USP24: variants seen among roughly 807,000 people sequenced by gnomAD.
USP24 encodes the protein ubiquitin specific peptidase 24, also known as ubiquitin carboxyl-terminal hydrolase 24.
USP24 carries 97 observed loss-of-function variants against 361.6 expected under a neutral mutation model. That is an observed-to-expected ratio of 0.27 (90% CI 0.23 to 0.32). The LOEUF is 0.32. Ranked by LOEUF, USP24 falls within the 10% of genes least tolerant of loss-of-function variation. USP24 has a pLI of 1.00. For synonymous variants in USP24, 1,098 were observed against 1,124.6 expected (o/e 0.98, Z 0.47); for missense variants, 2,353 against 3,165.6 (o/e 0.74, Z 6.16).
chr1:55,205,802 G>A (rs1644688543), intron 1 of USP24, among the ~76,000 whole-genome samples: 1 of 152,128 alleles, frequency 6.6e-6, no homozygotes. Flanking sequence ...GAAAAATAGG[G>A]AGAGTATAGC....
Position 55,215,148 on chromosome 1 carries a change from G to A in USP24, c.-35C>T. 8.2e-7 allele frequency: 1 copy of A among 1,219,524 alleles called. No individual in the cohort carries two copies. The highest frequency in any genetic ancestry group is 1.0e-6 in the Non-Finnish European group (1 of 976,158). 75.5% of individuals were successfully genotyped at this position (1,219,524 alleles called of 1,614,324 possible). The stretch of plus-strand genomic sequence containing the variant: ...CTCCTGGCCGCCCCGGCCAGCGCAC[G>A]GCGAAGCTACGGGTCCCGGGCCTGG... On this transcript the variant is annotated 5_prime_UTR_variant, in exon 1 of 68. Coordinates refer to ENST00000294383, the MANE Select transcript of USP24 (RefSeq NM_015306.3).
chr1:55,186,036 G>C (rs1477873383), intron 1 of USP24, among the ~76,000 whole-genome samples: 2 of 152,134 alleles, frequency 1.3e-5, no homozygotes, highest in Non-Finnish European at 2.9e-5. Context: ...CCTGTACCAA[G>C]TAAAAAGAAT....
intron 1 of USP24, among the ~76,000 whole-genome samples, chr1:55,181,382 T>C (rs1341298455): frequency 2.0e-5 from 3 of 152,198 alleles, no homozygotes; most frequent in African/African-American, 7.2e-5. Flanking sequence ...AGAATCACAA[T>C]GCATGGGAAA....
intron 38 of USP24, among the ~76,000 whole-genome samples, chr1:55,118,062 G>A (rs1415117071): frequency 6.6e-6 from 1 of 152,130 alleles, no homozygotes; most frequent in Admixed American, 6.6e-5. Flanking sequence ...ACTATTCAAA[G>A]TCACCTACAG....
At chr1:55,072,710 T>C (rs1644945064) in intron 65 of USP24, 76 bp downstream of exon 65, 1 of 1,391,152 alleles carries the variant, frequency 7.2e-7, no homozygotes. Flanking sequence ...CATATTCAGT[T>C]CTAGAGATTT....
intron 59 of USP24, among the ~76,000 whole-genome samples, chr1:55,080,159 T>C (rs1645121164): frequency 6.6e-6 from 1 of 152,162 alleles, no homozygotes; most frequent in Admixed American, 6.5e-5. Context: ...AATCAACCCA[T>C]ATAGAAGGAG....
intron 1 of USP24, among the ~76,000 whole-genome samples, chr1:55,208,961 A>C (rs947520657): frequency 1.3e-5 from 2 of 152,056 alleles, no homozygotes; most frequent in Non-Finnish European, 2.9e-5. Context: ...AACAAAAAAA[A>C]CCCAATAATG....
chr1:55,174,165 C>T (rs1471229594), intron 3 of USP24, among the ~76,000 whole-genome samples: 1 of 152,118 alleles, frequency 6.6e-6, no homozygotes, highest in Non-Finnish European at 1.5e-5. Context: ...CCTTTGTGCA[C>T]CTTATTTATG....
At chr1:55,118,117 T>C (rs796589711) in intron 38 of USP24, among the ~76,000 whole-genome samples, 1 of 152,054 alleles carries the variant, frequency 6.6e-6, no homozygotes, top group African/African-American at 2.4e-5. Flanking sequence ...TTTGCAAAAA[T>C]AGAAAAACCC....
intron 57 of USP24, 138 bp downstream of exon 57, chr1:55,083,634 A>C (rs2100437730): frequency 2.7e-6 from 2 of 736,996 alleles, no homozygotes; most frequent in Non-Finnish European, 4.4e-6. Context: ...AATTCTTACA[A>C]GTAATATAAT....
intron 18 of USP24, 102 bp from the exon 19 acceptor site, chr1:55,147,162 A>C (rs547616256): frequency 8.5e-7 from 1 of 1,174,842 alleles, no homozygotes; most frequent in African/African-American, 1.6e-5. Context: ...AGTTTTACTT[A>C]ATCCTTTTTC....
At chr1:55,137,341 G>A (rs1026397575) in intron 28 of USP24, among the ~76,000 whole-genome samples, 174 bp downstream of exon 28, 1 of 152,190 alleles carries the variant, frequency 6.6e-6, no homozygotes, top group African/African-American at 2.4e-5. Context: ...GGAGAATGGG[G>A]CAGTAACTGA....
chr1:55,180,978 T>C (rs2100835580), intron 1 of USP24, among the ~76,000 whole-genome samples: 1 of 152,202 alleles, frequency 6.6e-6, no homozygotes, highest in East Asian at 1.9e-4. Flanking sequence ...CAGACTTTCC[T>C]TCAGTTCTCA....
intron 55 of USP24, 108 bp from the exon 56 acceptor site, chr1:55,086,146 T>A: frequency 1.9e-6 from 2 of 1,074,440 alleles, no homozygotes; most frequent in Non-Finnish European, 1.4e-6. Flanking sequence ...TAGAGTCTCC[T>A]GACAGTGTTA....
rs1267882522 is a variant in USP24, at chr1:55,125,694, C to G, written c.3700G>C (p.Gly1234Arg). 6.3e-7 allele frequency: 1 copy of G among 1,596,944 alleles called. No homozygotes were observed. Among genetic ancestry groups the G allele is most frequent in the African/African-American group, 1.3e-5 (1 of 74,624 alleles). The change falls in exon 33 of 68, where the codon GGT becomes CGT. Residue 1234 changes from glycine to arginine, a missense_variant. Gly to Arg is a moderately radical substitution (Grantham distance 125). This residue lies in a region of USP24 where 949 missense variants were observed against 1,280.5 expected (regional missense o/e 0.74). Transcript: ENST00000294383. ...PSEVDYETRQ[G>R]VYSICLQLAR... ...AGCTGTAGACAGATGGAATAAACACCCTGCCTTGTTTCATAGTCTACTTCT... is the reference window on the plus strand; with the variant it reads ...AGCTGTAGACAGATGGAATAAACACGCTGCCTTGTTTCATAGTCTACTTCT...
At chr1:55,192,525 G>A (rs1431620336) in intron 1 of USP24, among the ~76,000 whole-genome samples, 5 of 152,304 alleles carry the variant, frequency 3.3e-5, no homozygotes, top group Non-Finnish European at 1.5e-5. Context: ...AAACAGATTT[G>A]TCTATTACTT....
At chr1:55,212,663 C>T (rs890385308) in intron 1 of USP24, among the ~76,000 whole-genome samples, 2 of 152,016 alleles carry the variant, frequency 1.3e-5, no homozygotes, top group African/African-American at 4.8e-5. Context: ...GCACATTCTG[C>T]GTTAAATGTT....
chr1:55,135,172 T>C (rs1043273471), intron 28 of USP24, among the ~76,000 whole-genome samples: 1 of 152,160 alleles, frequency 6.6e-6, no homozygotes, highest in Non-Finnish European at 1.5e-5. Context: ...AAAATTGAGA[T>C]GGGGGTCTCG....
At chr1:55,152,137 T>A (rs937031655) in intron 16 of USP24, among the ~76,000 whole-genome samples, 23 of 152,142 alleles carry the variant, frequency 1.5e-4, no homozygotes, top group Admixed American at 1.4e-3. Flanking sequence ...AACTGAAAAG[T>A]GCTATATAAA....
Sources: gnomAD v4.1 joint callset for allele counts (sites outside exome capture counted in the v4.1 genomes callset) on GRCh38, gnomAD v4.1.1 for gene constraint, gnomAD v4.1.1 regional missense constraint, MANE v1.5 for transcripts, NCBI Gene and HGNC (gene_info 2026-07-23, HGNC 2026-07-21) for gene names.